PCDH15: variants seen among roughly 807,000 people sequenced by gnomAD.
The protein encoded by PCDH15 is protocadherin related 15.
A neutral mutation model predicts 178.5 loss-of-function variants in PCDH15; 129 were observed. The ratio of observed to expected loss-of-function variants is 0.72; its 90% CI spans 0.63 to 0.84. The LOEUF is 0.84. Ranked by LOEUF, PCDH15 falls within the 40% of genes least tolerant of loss-of-function variation. The probability of loss-of-function intolerance (pLI) is 0.00; values close to 1 mark genes in which losing one functional copy is unlikely to be tolerated. For missense variants in PCDH15, 2,230 were observed against 2,099.9 expected (o/e 1.06, Z -1.21); for synonymous variants, 800 against 732.0 (o/e 1.09, Z -1.50).
intron 9 of PCDH15, among the ~76,000 whole-genome samples, chr10:54,231,652 C>A (rs187516402): frequency 1.4e-3 from 214 of 152,290 alleles, no homozygotes; most frequent in Non-Finnish European, 1.5e-3. Context: ...TGAAATCAGC[C>A]AATGGGGCTG....
chr10:55,378,073 G>A (rs1222866692), intron 2 of PCDH15, among the ~76,000 whole-genome samples: 7 of 152,158 alleles, frequency 4.6e-5, no homozygotes, highest in African/African-American at 1.4e-4. Flanking sequence ...AGGGTGCTAC[G>A]GGGAGGGATA....
chr10:53,809,809 C>A lies in PCDH15; in HGVS notation c.4671+747G>T, dbSNP rs10763008. 0.4 allele frequency among the ~76,000 whole-genome samples: 60,232 copies of A among 151,514 alleles called. 14,646 individuals are homozygous for A. Among genetic ancestry groups the A allele is most frequent in the East Asian group, 0.93 (4,748 of 5,100 alleles). On this transcript the variant is annotated intron_variant, in intron 37 of 37. Transcript: ENST00000644397. ...TCTTGTTACTCAACGTTTAATTTTC[C>A]TCTTAGATCAAATAAAAAAGAAAGA...
chr10:54,086,763 T>C (rs1457303567), intron 16 of PCDH15, among the ~76,000 whole-genome samples: 1 of 152,198 alleles, frequency 6.6e-6, no homozygotes, highest in Non-Finnish European at 1.5e-5. Context: ...AGGGACATGT[T>C]CTGCTTTAGC....
intron 18 of PCDH15, among the ~76,000 whole-genome samples, chr10:54,027,871 A>G (rs1589994671): frequency 6.8e-6 from 1 of 147,254 alleles, no homozygotes; most frequent in Non-Finnish European, 1.5e-5. Flanking sequence ...CATTCAGGAC[A>G]TAGGCATGGG....
chr10:54,529,439 C>G (rs1235634591), intron 2 of PCDH15, among the ~76,000 whole-genome samples: 1 of 151,900 alleles, frequency 6.6e-6, no homozygotes, highest in Non-Finnish European at 1.5e-5. Flanking sequence ...TTTCATGTAC[C>G]CAAATCAAAA....
At chr10:53,875,053 A>G (rs960399891) in intron 26 of PCDH15, among the ~76,000 whole-genome samples, 2 of 152,098 alleles carry the variant, frequency 1.3e-5, no homozygotes, top group African/African-American at 4.8e-5. Context: ...CAAAAAAAAA[A>G]AGTTTGAGAT....
chr10:54,652,037 C>A (rs1364299526), intron 2 of PCDH15, among the ~76,000 whole-genome samples: 1 of 151,434 alleles, frequency 6.6e-6, no homozygotes, highest in African/African-American at 2.4e-5. Context: ...TGTCTAATTC[C>A]AATTTTCATT....
intron 25 of PCDH15, among the ~76,000 whole-genome samples, chr10:53,938,364 A>G (rs2085757063): frequency 3.9e-5 from 6 of 152,172 alleles, no homozygotes; most frequent in Admixed American, 3.3e-4. Context: ...ATGAAAAATG[A>G]TGCTACATAT....
intron 2 of PCDH15, among the ~76,000 whole-genome samples, chr10:54,909,594 C>T (rs1379609728): frequency 1.3e-5 from 2 of 152,064 alleles, no homozygotes; most frequent in East Asian, 3.9e-4. Flanking sequence ...GACAGGGAGG[C>T]ATTCCTGGGC....
chr10:54,116,619 A>G (rs2095118082), intron 15 of PCDH15, among the ~76,000 whole-genome samples: 1 of 152,212 alleles, frequency 6.6e-6, no homozygotes, highest in Non-Finnish European at 1.5e-5. Context: ...TCAGAGTCAG[A>G]GTAAAGAGCC....
intron 3 of PCDH15, among the ~76,000 whole-genome samples, chr10:54,867,003 A>G (rs1486947690): frequency 6.6e-6 from 1 of 152,208 alleles, no homozygotes; most frequent in Non-Finnish European, 1.5e-5. Flanking sequence ...CACTTATTTA[A>G]GTAATTGTGA....
intron 21 of PCDH15, among the ~76,000 whole-genome samples, chr10:53,979,031 G>A (rs548712221): frequency 6.6e-6 from 1 of 152,144 alleles, no homozygotes; most frequent in South Asian, 2.1e-4. Flanking sequence ...TCCAACCTCT[G>A]CCTGTTACCC....
At chr10:55,513,482 A>C (rs1840938969) in intron 2 of PCDH15, among the ~76,000 whole-genome samples, 1 of 152,098 alleles carries the variant, frequency 6.6e-6, no homozygotes, top group Non-Finnish European at 1.5e-5. Flanking sequence ...TTTAAAATTA[A>C]ATGAAATACA....
intron 21 of PCDH15, among the ~76,000 whole-genome samples, chr10:53,982,637 A>G (rs1442417309): frequency 7.7e-6 from 1 of 130,098 alleles, no homozygotes; most frequent in Non-Finnish European, 1.6e-5. Flanking sequence ...ACATGGACAC[A>G]GGAAGGGGAA....
chr10:55,153,245 C>T (rs1004148123), intron 2 of PCDH15, among the ~76,000 whole-genome samples: 2 of 152,110 alleles, frequency 1.3e-5, no homozygotes, highest in Non-Finnish European at 2.9e-5. Flanking sequence ...AAACAAAAAG[C>T]CATTCTTGAG....
At chr10:53,808,473 A>C in intron 37 of PCDH15, 1 of 1,354,378 alleles carries the variant, frequency 7.4e-7, no homozygotes, top group African/African-American at 1.5e-5. Flanking sequence ...CTGATTTACT[A>C]ATATAGGAAG....
At chr10:55,401,239 TACC>T (rs1424845119) in intron 2 of PCDH15, among the ~76,000 whole-genome samples, 1 of 152,026 alleles carries the variant, frequency 6.6e-6, no homozygotes, top group Non-Finnish European at 1.5e-5. Context: ...AAAGAGATAA[TACC>T]CAGGTTTTCT....
At chr10:55,416,764 G>A (rs919565295) in intron 2 of PCDH15, among the ~76,000 whole-genome samples, 3 of 151,670 alleles carry the variant, frequency 2.0e-5, no homozygotes, top group South Asian at 2.1e-4. Context: ...GCAATCAAAA[G>A]TTTACTTGAG....
At chr10:55,277,723 T>G (rs1479520716) in intron 1 of PCDH15, among the ~76,000 whole-genome samples, 1 of 152,066 alleles carries the variant, frequency 6.6e-6, no homozygotes, top group Non-Finnish European at 1.5e-5. Context: ...TTCACTCTAC[T>G]CAATATGTGC....
Sources: gnomAD v4.1 joint callset for allele counts (sites outside exome capture counted in the v4.1 genomes callset) on GRCh38, gnomAD v4.1.1 for gene constraint, MANE v1.5 for transcripts, NCBI Gene and HGNC (gene_info 2026-07-23, HGNC 2026-07-21) for gene names.